The following PHACTR3 variants were observed in gnomAD, a reference collection of about 807,000 sequenced individuals.
PHACTR3 encodes the protein protein phosphatase 1, regulatory subunit 123.
A neutral mutation model predicts 66.8 loss-of-function variants in PHACTR3; 16 were observed. The observed-to-expected ratio is 0.24, with a 90% CI of 0.16 to 0.36. The LOEUF (loss-of-function observed/expected upper bound fraction) is 0.36. Among genes scored for constraint, PHACTR3 ranks in the 10% least tolerant of loss-of-function variants. PHACTR3 has a pLI of 1.00. For missense variants in PHACTR3, 647 were observed against 719.9 expected (o/e 0.90, Z 1.16); for synonymous variants, 323 against 292.1 (o/e 1.11, Z -1.08).
At chr20:59,641,585 T>TA (rs1268168505) in intron 1 of PHACTR3, among the ~76,000 whole-genome samples, 36 of 152,330 alleles carry the variant, frequency 2.4e-4, no homozygotes, top group Admixed American at 2.2e-3. Flanking sequence ...CCATCTGCTT[T>TA]ACCCAGCCTA....
chr20:59,647,129 C>T (rs1309668796), intron 1 of PHACTR3, among the ~76,000 whole-genome samples: 3 of 152,184 alleles, frequency 2.0e-5, no homozygotes, highest in African/African-American at 7.2e-5. Flanking sequence ...GTTTAATGGA[C>T]TCCACAGTTC....
chr20:59,807,320 C>T lies in PHACTR3; in HGVS notation c.1328+1126C>T, dbSNP rs1462350896. Among the ~76,000 whole-genome samples, 7 of 152,138 alleles carry T rather than the reference C, an allele frequency of 4.6e-5. No individual in the cohort carries two copies. The East Asian group carries it at 7.7e-4, about 17-fold the overall frequency. ...TTATTAAAAATTAAAACACAAATGC[C>T]GCATTAGCCTAGGCCTGCACAGGGT... On this transcript the variant is annotated intron_variant, in intron 8 of 12. Coordinates refer to ENST00000371015, the MANE Select transcript of PHACTR3 (RefSeq NM_080672.5).
intron 1 of PHACTR3, among the ~76,000 whole-genome samples, chr20:59,635,149 T>TC (rs1276267237): frequency 3.3e-5 from 2 of 60,412 alleles, no homozygotes; most frequent in East Asian, 7.4e-4. Context: ...CTTTCTTTCT[T>TC]TTTCTTTCTT....
At chr20:59,818,747 TTCTTC>T (rs2145410280) in intron 8 of PHACTR3, among the ~76,000 whole-genome samples, 1 of 152,336 alleles carries the variant, frequency 6.6e-6, no homozygotes, top group South Asian at 2.1e-4. Context: ...CAACTTGATC[TTCTTC>T]AGATCCTTTT....
At chr20:59,716,373 C>A (rs1341608946) in intron 1 of PHACTR3, among the ~76,000 whole-genome samples, 1 of 152,016 alleles carries the variant, frequency 6.6e-6, no homozygotes, top group Admixed American at 6.5e-5. Flanking sequence ...GTGCCTCAGC[C>A]TCCCAAGAAG....
Position 59,604,766 on chromosome 20 carries a change from A to G in PHACTR3, c.-249A>G. 8.5e-7 allele frequency: 1 copy of G among 1,175,096 alleles called. No homozygotes were observed. Among genetic ancestry groups the G allele is most frequent in the Non-Finnish European group, 1.0e-6 (1 of 954,604 alleles). The allele number at this position is 1,175,096 out of a possible 1,614,324, so 72.8% of individuals were successfully genotyped here. A position where few individuals can be genotyped will look rare whatever the true frequency, so the allele number is the denominator to read the frequency against. On this transcript the variant is annotated 5_prime_UTR_variant, in exon 1 of 13. Coordinates refer to ENST00000371015, the MANE Select transcript of PHACTR3 (RefSeq NM_080672.5). The stretch of plus-strand genomic sequence containing the variant: ...ATGGGAATAAACACGAATAAATAAC[A>G]AAGCGAGGCCGCGCACGCCGGGATG...
At chr20:59,751,911 T>G (rs771089299) in intron 3 of PHACTR3, among the ~76,000 whole-genome samples, 3 of 152,124 alleles carry the variant, frequency 2.0e-5, no homozygotes, top group Non-Finnish European at 4.4e-5. Flanking sequence ...CCAGCCCCCT[T>G]GCCCTGGTCC....
intron 3 of PHACTR3, among the ~76,000 whole-genome samples, chr20:59,751,671 C>G (rs1270337187): frequency 6.6e-6 from 1 of 152,130 alleles, no homozygotes; most frequent in Non-Finnish European, 1.5e-5. Flanking sequence ...TTATGAACCA[C>G]TGTGACCCCC....
At chr20:59,783,663 G>A (rs908860445) in intron 7 of PHACTR3, among the ~76,000 whole-genome samples, 18 of 152,204 alleles carry the variant, frequency 1.2e-4, no homozygotes, top group African/African-American at 4.3e-4. Flanking sequence ...GCACATGACT[G>A]TAGCCTACTG....
chr20:59,605,134 T>C lies in PHACTR3; in HGVS notation c.118+2T>C. The C allele has an allele frequency of 1.1e-6, 1 of 888,072 alleles. No homozygotes were observed. The highest frequency in any genetic ancestry group is 1.6e-6 in the Non-Finnish European group (1 of 644,286). The allele number at this position is 888,072 out of a possible 1,614,324, so 55.0% of individuals were successfully genotyped here. On this transcript the variant is annotated splice_donor_variant, in intron 1 of 12. Transcript: ENST00000371015. LOFTEE classifies it high-confidence loss of function. ...CCGCGGACGCCGGGGAGAACCCAGG[T>C]AACGGGCTGGGCGGGGGCGGCGGGC...
chr20:59,702,877 A>G (rs1057059220), intron 1 of PHACTR3, among the ~76,000 whole-genome samples: 1 of 152,216 alleles, frequency 6.6e-6, no homozygotes, highest in African/African-American at 2.4e-5. Flanking sequence ...GGGTGGGATC[A>G]TAGTGTGTGT....
At chr20:59,602,798 ACCTTC>A (rs1378900050), upstream of PHACTR3, among the ~76,000 whole-genome samples, 3 of 152,126 alleles carry the variant, frequency 2.0e-5, no homozygotes, top group African/African-American at 7.2e-5. Context: ...GGATTCAGAA[ACCTTC>A]CCATGGGGCC....
intron 1 of PHACTR3, among the ~76,000 whole-genome samples, chr20:59,701,828 C>T (rs1295346423): frequency 1.3e-5 from 2 of 152,236 alleles, no homozygotes; most frequent in Admixed American, 1.3e-4. Flanking sequence ...ATTACAGTAT[C>T]ATAGAGGATA....
intron 4 of PHACTR3, among the ~76,000 whole-genome samples, chr20:59,765,022 A>G (rs2040135851): frequency 6.6e-6 from 1 of 152,228 alleles, no homozygotes; most frequent in South Asian, 2.1e-4. Flanking sequence ...TACACAAGAC[A>G]GAAAACTCCA....
chr20:59,756,692 C>T lies in PHACTR3; in HGVS notation c.541+1328C>T, dbSNP rs558886055. Reference sequence around the variant, plus strand: ...GGCGTGGTTCTTTTTTTTTTTAATACTTTAAGTTCTAGGGTACATGTGCAC... The same window carrying T: ...GGCGTGGTTCTTTTTTTTTTTAATATTTTAAGTTCTAGGGTACATGTGCAC... On this transcript the variant is annotated intron_variant, in intron 4 of 12. Transcript: ENST00000371015. 1.6e-3 allele frequency among the ~76,000 whole-genome samples: 244 copies of T among 151,532 alleles called. 2 individuals are homozygous for T. The highest frequency in any genetic ancestry group is 0.01 in the Middle Eastern group (3 of 294).
chr20:59,834,777 G>C (rs1311017683), intron 8 of PHACTR3, among the ~76,000 whole-genome samples: 1 of 152,070 alleles, frequency 6.6e-6, no homozygotes, highest in African/African-American at 2.4e-5. Context: ...TTCCTCCACG[G>C]CATTGACCAC....
chr20:59,814,709 C>T (rs1194205399), intron 8 of PHACTR3, among the ~76,000 whole-genome samples: 2 of 152,140 alleles, frequency 1.3e-5, no homozygotes, highest in Non-Finnish European at 2.9e-5. Context: ...TTTTCACTGA[C>T]CGCCAGGAAC....
intron 1 of PHACTR3, among the ~76,000 whole-genome samples, chr20:59,681,686 C>T (rs113930663): frequency 0.017 from 2,567 of 152,334 alleles, 55 homozygotes; most frequent in Middle Eastern, 0.075. Flanking sequence ...GATCTTTGCC[C>T]AGGTCCTGCA....
At chr20:59,676,240 C>T (rs957246597) in intron 1 of PHACTR3, among the ~76,000 whole-genome samples, 1 of 152,210 alleles carries the variant, frequency 6.6e-6, no homozygotes, top group African/African-American at 2.4e-5. Context: ...TTGCTGCCAT[C>T]GTGGGTTCTG....
Sources: allele counts gnomAD v4.1 joint callset (sites outside exome capture counted in the v4.1 genomes callset), GRCh38; gene constraint gnomAD v4.1.1; transcripts MANE v1.5; gene names NCBI Gene and HGNC (gene_info 2026-07-23, HGNC 2026-07-21).